Variants in ZMYM3 observed in about 807,000 individuals in gnomAD.
The protein encoded by ZMYM3 is zinc finger MYM-type protein 3.
A neutral mutation model predicts 94.2 loss-of-function variants in ZMYM3; 6 were observed. The ratio of observed to expected loss-of-function variants is 0.06; its 90% confidence interval spans 0.03 to 0.13. ZMYM3 has a LOEUF of 0.13. ZMYM3 is among the 10% of genes least tolerant of loss of function. ZMYM3 has a pLI of 1.00. For synonymous variants in ZMYM3, 420 were observed against 426.5 expected, an observed-to-expected ratio of 0.98 and a Z score of 0.19; for missense variants, 664 against 1,132.6, an observed-to-expected ratio of 0.59 and a Z score of 5.94.
chrX:71,252,968 G>A lies in ZMYM3; in HGVS notation c.288C>T (p.Asp96=). The A allele has an allele frequency of 3.3e-6, 4 of 1,211,224 alleles. No individual in the cohort carries two copies. Among genetic ancestry groups the A allele is most frequent in the Non-Finnish European group, 3.4e-6 (3 of 895,295 alleles). The change falls in exon 2 of 25, where the codon GAC becomes GAT. Residue 96 remains aspartate, a synonymous_variant. Coordinates refer to ENST00000314425, the MANE Select transcript of ZMYM3 (RefSeq NM_201599.3). ...ATGCCAGGGTTCCCTCAGGACCGTG[G>A]TCCACCTCCGGGGGAGAGGGGGCTT... The part of the protein sequence containing the change: ...LYKAPSPPEV[D]HGPEGTLAWD...
At position 71,241,050 on chromosome X, in the gene ZMYM3, T is replaced by G; in HGVS notation, c.3979A>C (p.Ile1327Leu). Residue 1327 changes from isoleucine (I) to leucine (L), a missense_variant, in exon 25 of 25, where the codon ATC becomes CTC. Ile to Leu is a conservative substitution (Grantham distance 5). Around this residue, in one of 9 missense-constraint regions of ZMYM3, gnomAD observed 58 missense variants for 112.4 expected, o/e 0.52. Transcript: ENST00000314425. ...VFYLQPERSC[I>L]AESPLWYSVI... ...GAATACCAGAGAGGTGACTCGGCGATGCAGGACCGTTCAGGTTGCAGGTAG... is the reference window on the plus strand; with the variant it reads ...GAATACCAGAGAGGTGACTCGGCGAGGCAGGACCGTTCAGGTTGCAGGTAG... 1 of 1,211,347 alleles carries G rather than the reference T, an allele frequency of 8.3e-7. No homozygotes were observed. The highest frequency in any genetic ancestry group is 1.1e-6 in the Non-Finnish European group (1 of 895,421).
rs771442498 is a variant in ZMYM3 at position 71,253,004 on chromosome X, C to T, written c.252G>A (p.Gly84=). 9.1e-6 allele frequency: 11 copies of T among 1,202,691 alleles called. No homozygotes were observed. Among genetic ancestry groups the T allele is most frequent in the Admixed American group, 2.2e-5 (1 of 44,880 alleles). The stretch of plus-strand genomic sequence containing the variant: ...GGGGAGAGGGGGCTTTATAGAGCAG[C>T]CCCCCCAGCCCCAGCAACTCAGTGG... ...DGATELLGLG[G]LLYKAPSPPE... is the part of the protein sequence containing the mutation. Residue 84 remains glycine, a synonymous_variant, in exon 2 of 25, where the codon GGG becomes GGA. Transcript: ENST00000314425.
At position 71,240,973 on chromosome X, in the gene ZMYM3, C is replaced by T. The variant is rs1057521196; in HGVS notation, c.4056G>A (p.Leu1352=). Residue 1352 remains leucine (L), a synonymous_variant, in exon 25 of 25, where the codon CTG becomes CTA. Transcript: ENST00000314425. The part of the protein sequence containing the change: ...SMLESMLNRI[L]AVREIYEELG... Reference sequence around the variant, plus strand: ...GTTCCTCATAAATCTCGCGCACAGCCAGGATGCGATTGAGCATGCTCTCCA... The same window carrying T: ...GTTCCTCATAAATCTCGCGCACAGCTAGGATGCGATTGAGCATGCTCTCCA... 7 of 1,209,619 alleles carry T rather than the reference C, an allele frequency of 5.8e-6. No individual in the cohort carries two copies. Among genetic ancestry groups the T allele is most frequent in the Non-Finnish European group, 7.8e-6 (7 of 895,116 alleles).
At chrX:71,253,296 G>A (rs756465804) in intron 1 of ZMYM3, 22 bp from the exon 2 acceptor site, 3 of 1,090,389 alleles carry the variant, frequency 2.8e-6, no homozygotes, top group East Asian at 3.1e-5. Context: ...GAGTAGAAGA[G>A]GGGGCAGTAG....
chrX:71,251,697 C>T lies in ZMYM3; in HGVS notation c.668-96G>A, dbSNP rs757092314. On this transcript the variant is annotated intron_variant, in intron 2 of 24. Coordinates refer to ENST00000314425, the MANE Select transcript of ZMYM3 (RefSeq NM_201599.3). ...GCCTCCATTCCTGGGGAAGAACTTA[C>T]TCAAAACTGAAAGGGAAAACTCGAG... 6.5e-6 allele frequency: 7 copies of T among 1,079,511 alleles called. No homozygotes were observed. The East Asian group carries it at 2.1e-4, about 33-fold the overall frequency. 89.0% of individuals were successfully genotyped at this position (1,079,511 alleles called of 1,213,427 possible). A position where few individuals can be genotyped will look rare whatever the true frequency, so the allele number is the denominator to read the frequency against.
At chrX:71,255,105 T>C (rs1022584818), upstream of ZMYM3, 9 of 68,652 alleles carry the variant, frequency 1.3e-4, no homozygotes, top group East Asian at 2.6e-3. Flanking sequence ...TCTCTCTCTC[T>C]CTCTCTCTCT....
At chrX:71,251,343 G>A (rs2030460512) in intron 3 of ZMYM3, 99 bp from the exon 4 acceptor site, 12 of 948,998 alleles carry the variant, frequency 1.3e-5, no homozygotes, top group African/African-American at 1.9e-5. Context: ...GAGGGGGAAG[G>A]GAGAGTGGGG....
At chrX:71,242,039 A>G in intron 23 of ZMYM3, 131 bp downstream of exon 23, 4 of 902,121 alleles carry the variant, frequency 4.4e-6, no homozygotes, top group South Asian at 5.0e-5. Flanking sequence ...CCCTTTCTGC[A>G]CACAGGAACA....
intron 23 of ZMYM3, 32 bp downstream of exon 23, chrX:71,242,138 G>A: frequency 8.6e-7 from 1 of 1,160,704 alleles, no homozygotes; most frequent in Non-Finnish European, 1.2e-6. Context: ...CAGAGAAGGG[G>A]CAAAAGCACA....
At position 71,245,967 on chromosome X, in the gene ZMYM3, G is replaced by A. The variant is rs2030153706; in HGVS notation, c.2685+19C>T. Reference sequence around the variant, plus strand: ...TAAGGGGAAAGGAGGACCCAGCCAGGAAGGGCAGGGAAACTCACCGGGATA... The same window carrying A: ...TAAGGGGAAAGGAGGACCCAGCCAGAAAGGGCAGGGAAACTCACCGGGATA... On this transcript the variant is annotated intron_variant, in intron 16 of 24. Transcript: ENST00000314425. The A allele has an allele frequency of 1.7e-6, 2 of 1,200,622 alleles. No homozygotes were observed. Among genetic ancestry groups the A allele is most frequent in the Non-Finnish European group, 2.3e-6 (2 of 887,512 alleles).
chrX:71,245,871 A>C, intron 16 of ZMYM3, 29 bp from the exon 17 acceptor site: 1 of 1,185,309 alleles, frequency 8.4e-7, no homozygotes, highest in Non-Finnish European at 1.1e-6. Flanking sequence ...ACTAAATGCC[A>C]AGAACCACAC....
rs888358136 is a variant in ZMYM3, at chrX:71,248,792, C to G, written c.1631G>C (p.Arg544Pro). The G allele has an allele frequency of 3.2e-5, 38 of 1,197,641 alleles. No homozygotes were observed. The highest frequency in any genetic ancestry group is 4.2e-5 in the Non-Finnish European group (37 of 888,025). Reference sequence around the variant, plus strand: ...GCTGCGGCGGCAGAAGCTGCAGGGTCGGGGAGGGCCTGGGGCATAGAGAGA... The same window carrying G: ...GCTGCGGCGGCAGAAGCTGCAGGGTGGGGGAGGGCCTGGGGCATAGAGAGA... ...VKQAGLTGPP[R>P]PCSFCRRSLS... The change falls in exon 9 of 25, where the codon CGA (arginine) becomes CCA (proline). Residue 544 changes from arginine to proline, a missense_variant. Arg to Pro is a moderately radical substitution (Grantham distance 103). This residue lies in a region of ZMYM3 where 159 missense variants were observed against 313.0 expected (regional missense o/e 0.51). Transcript: ENST00000314425.
At position 71,247,916 on chromosome X, in the gene ZMYM3, G is replaced by C. The variant is rs752893993; in HGVS notation, c.1976-10C>G. 15 of 1,180,677 alleles carry C rather than the reference G, an allele frequency of 1.3e-5. No individual in the cohort carries two copies. Among genetic ancestry groups the C allele is most frequent in the Non-Finnish European group, 1.7e-5 (15 of 878,824 alleles). On this transcript the variant is annotated splice_polypyrimidine_tract_variant and intron_variant, in intron 11 of 24. Coordinates refer to ENST00000314425, the MANE Select transcript of ZMYM3 (RefSeq NM_201599.3). ...TACAGCAGCACACAGCCTGGAAAGA[G>C]GAGAAGAGGAAAGAGAGTCCAGAGA...
At chrX:71,243,534 T>C in intron 21 of ZMYM3, 1 of 328,801 alleles carries the variant, frequency 3.0e-6, no homozygotes, top group Non-Finnish European at 5.3e-6. Flanking sequence ...CTATTTGGAG[T>C]AGGAGATTAA....
Position 71,244,396 on chromosome X carries a change from G to A in ZMYM3, c.3186C>T (p.Leu1062=), listed in dbSNP as rs760450840. 1 of 1,211,391 alleles carries A rather than the reference G, an allele frequency of 8.3e-7. No individual in the cohort carries two copies. The highest frequency in any genetic ancestry group is 1.1e-6 in the Non-Finnish European group (1 of 895,498). Reference sequence around the variant, plus strand: ...AAGCATTGACACCATATGAATAGTTGAGCCCGGTACAACTAGGCTGACTGC... The same window carrying A: ...AAGCATTGACACCATATGAATAGTTAAGCCCGGTACAACTAGGCTGACTGC... The part of the protein sequence containing the change: ...SMSSQPSCTG[L]NYSYGVNAWK... Residue 1062 remains leucine (L), a synonymous_variant, in exon 20 of 25, where the codon CTC becomes CTT. Transcript: ENST00000314425.
rs768268438 is a variant in ZMYM3 at position 71,249,701 on chromosome X, CCT to C, written c.1252-24_1252-23del. On this transcript the variant is annotated intron_variant, in intron 6 of 24. Transcript: ENST00000314425. Reference sequence around the variant, plus strand: ...GGACCTGCCACACACATACACGCACCCTGAGCTAGGGCCTGGCCACCACCGCC... The same window carrying C: ...GGACCTGCCACACACATACACGCACCGAGCTAGGGCCTGGCCACCACCGCC... The C allele has an allele frequency of 1.2e-5, 14 of 1,201,526 alleles. No homozygotes were observed. In the East Asian group the frequency reaches 4.2e-4, roughly 36 times the overall value.
In ZMYM3 at chrX:71,244,328, C is replaced by T. The variant is rs1189735335; in HGVS notation, c.3254G>A (p.Ser1085Asn). Residue 1085 changes from serine (S) to asparagine (N), a missense_variant, in exon 20 of 25, where the codon AGC (serine) becomes AAC (asparagine). Ser to Asn is a conservative substitution (Grantham distance 46). Around this residue, in one of 9 missense-constraint regions of ZMYM3, gnomAD observed 75 missense variants for 152.5 expected, o/e 0.49. Coordinates refer to ENST00000314425, the MANE Select transcript of ZMYM3 (RefSeq NM_201599.3). ...VQSKYANGET[S>N]KGDELRFGPK... ...GCCAAAGCGCAGCTCATCACCCTTG[C>T]TGGTTTCTCCATTGGCATATTTTGA... 2.0e-5 allele frequency: 24 copies of T among 1,207,656 alleles called. No individual in the cohort carries two copies. Among genetic ancestry groups the T allele is most frequent in the Non-Finnish European group, 2.6e-5 (23 of 894,709 alleles).
At chrX:71,243,700 C>T (rs2030042374) in intron 21 of ZMYM3, 129 bp downstream of exon 21, 1 of 902,537 alleles carries the variant, frequency 1.1e-6, no homozygotes, top group Admixed American at 2.7e-5. Context: ...AAGCGATCCT[C>T]CTGCCTCAGC....
chrX:71,254,545 GT>G (rs1337530568), upstream of ZMYM3: 1 of 110,511 alleles, frequency 9.0e-6, no homozygotes, highest in African/African-American at 3.3e-5. Context: ...CACTCTACCC[GT>G]GATCCCCTCC....
Sources: gnomAD v4.1 joint callset for allele counts on GRCh38, gnomAD v4.1.1 for gene constraint, gnomAD v4.1.1 regional missense constraint, MANE v1.5 for transcripts, NCBI Gene and HGNC (gene_info 2026-07-23, HGNC 2026-07-21) for gene names.